Variants in NLGN1 observed in about 807,000 individuals in gnomAD.
NLGN1 encodes the protein neuroligin-1.
Under a neutral mutation model 65.5 loss-of-function variants are expected in NLGN1, and 12 were observed. The ratio of observed to expected loss-of-function variants is 0.18; its 90% CI spans 0.12 to 0.30. The LOEUF is 0.30. NLGN1 is among the 10% of genes least tolerant of loss of function. NLGN1 has a pLI of 1.00. For synonymous variants in NLGN1, 350 were observed against 359.5 expected (o/e 0.97, Z 0.30); for missense variants, 750 against 1,007.1 (o/e 0.74, Z 3.46).
intron 4 of NLGN1, among the ~76,000 whole-genome samples, chr3:173,814,658 A>G (rs1718649541): frequency 6.6e-6 from 1 of 152,214 alleles, no homozygotes; most frequent in South Asian, 2.1e-4. Flanking sequence ...TCATTCATGT[A>G]TTCGTTCAGC....
chr3:173,748,600 A>G (rs10936770), intron 3 of NLGN1, among the ~76,000 whole-genome samples: 80,631 of 151,972 alleles, frequency 0.53, 22,757 homozygotes, highest in East Asian at 0.79. Flanking sequence ...CCTAATTTAC[A>G]TGTTATCACA....
chr3:173,728,212 T>A (rs536088688), intron 3 of NLGN1, among the ~76,000 whole-genome samples: 1 of 152,006 alleles, frequency 6.6e-6, no homozygotes, highest in Admixed American at 6.6e-5. Flanking sequence ...TAGAGAAAAA[T>A]GACTAGACTT....
intron 2 of NLGN1, among the ~76,000 whole-genome samples, chr3:173,527,788 A>G (rs1273416330): frequency 6.6e-6 from 1 of 152,172 alleles, no homozygotes; most frequent in East Asian, 1.9e-4. Context: ...TTACATGGGT[A>G]GTTTCCTTTA....
intron 3 of NLGN1, among the ~76,000 whole-genome samples, chr3:173,786,756 A>T (rs1782033689): frequency 6.6e-6 from 1 of 152,164 alleles, no homozygotes; most frequent in Non-Finnish European, 1.5e-5. Flanking sequence ...TATTCAAAGG[A>T]AATATATATA....
chr3:174,036,069 ATTAAC>A (rs1453787387), intron 4 of NLGN1, among the ~76,000 whole-genome samples: 1 of 152,226 alleles, frequency 6.6e-6, no homozygotes, highest in Non-Finnish European at 1.5e-5. Flanking sequence ...ATGGCGATTT[ATTAAC>A]TTATGCAAGA....
At chr3:173,579,877 C>G (rs1746111619) in intron 2 of NLGN1, among the ~76,000 whole-genome samples, 1 of 151,678 alleles carries the variant, frequency 6.6e-6, no homozygotes, top group African/African-American at 2.4e-5. Context: ...ATTTTTTTTT[C>G]TCCAGACTTG....
At chr3:173,748,380 A>T (rs572967449) in intron 3 of NLGN1, among the ~76,000 whole-genome samples, 2 of 152,126 alleles carry the variant, frequency 1.3e-5, no homozygotes, top group Non-Finnish European at 2.9e-5. Flanking sequence ...TCTACTGGGT[A>T]TGTGCAGAAC....
intron 4 of NLGN1, among the ~76,000 whole-genome samples, chr3:174,027,947 C>G (rs1261673858): frequency 6.6e-6 from 1 of 152,016 alleles, no homozygotes; most frequent in Non-Finnish European, 1.5e-5. Context: ...GTGGTTTCCC[C>G]CATACTGTTC....
chr3:173,988,012 A>C (rs184724971), intron 4 of NLGN1, among the ~76,000 whole-genome samples: 87 of 152,336 alleles, frequency 5.7e-4, no homozygotes, highest in Admixed American at 1.1e-3. Flanking sequence ...ATAAAGATGC[A>C]TAGCTACATT....
chr3:173,937,032 T>C (rs1745192677), intron 4 of NLGN1, among the ~76,000 whole-genome samples: 1 of 152,078 alleles, frequency 6.6e-6, no homozygotes, highest in Non-Finnish European at 1.5e-5. Context: ...GTTTTCTAAA[T>C]TAACTAAAAT....
At chr3:173,456,701 A>G (rs1201395308) in intron 2 of NLGN1, among the ~76,000 whole-genome samples, 2 of 152,134 alleles carry the variant, frequency 1.3e-5, no homozygotes, top group African/African-American at 4.8e-5. Context: ...TAATAGTAAC[A>G]GTAGAAAGCC....
chr3:174,202,156 A>C (rs1734622364), intron 4 of NLGN1, among the ~76,000 whole-genome samples: 1 of 152,078 alleles, frequency 6.6e-6, no homozygotes, highest in Non-Finnish European at 1.5e-5. Flanking sequence ...TTTTCTGTGC[A>C]CAGTACTATG....
At chr3:174,064,026 C>T (rs1056880603) in intron 4 of NLGN1, among the ~76,000 whole-genome samples, 2 of 152,084 alleles carry the variant, frequency 1.3e-5, no homozygotes, top group Admixed American at 6.6e-5. Flanking sequence ...CCTGTAATCC[C>T]AGCTACTCGG....
chr3:173,695,065 C>T (rs997503143), intron 3 of NLGN1, among the ~76,000 whole-genome samples: 3 of 152,046 alleles, frequency 2.0e-5, no homozygotes, highest in Non-Finnish European at 4.4e-5. Flanking sequence ...ATATGTTGAG[C>T]CTGACAGTCA....
At chr3:173,537,023 A>G (rs752930504) in intron 2 of NLGN1, among the ~76,000 whole-genome samples, 1 of 152,196 alleles carries the variant, frequency 6.6e-6, no homozygotes, top group Non-Finnish European at 1.5e-5. Flanking sequence ...CCCTTACTCA[A>G]CATTTGTTCT....
At chr3:173,508,375 G>A (rs1732381676) in intron 2 of NLGN1, among the ~76,000 whole-genome samples, 1 of 152,118 alleles carries the variant, frequency 6.6e-6, no homozygotes, top group African/African-American at 2.4e-5. Context: ...GTGATTTTAT[G>A]TCATCTAGGG....
At chr3:173,672,454 A>G (rs1190810651) in intron 3 of NLGN1, among the ~76,000 whole-genome samples, 1 of 152,226 alleles carries the variant, frequency 6.6e-6, no homozygotes, top group African/African-American at 2.4e-5. Flanking sequence ...CTGATGATAT[A>G]GAAATTCCTG....
exon 7 of NLGN1, chr3:174,284,388 T>C (rs1433520655): frequency 1.3e-5 from 2 of 151,424 alleles, no homozygotes; most frequent in Admixed American, 6.6e-5. Context: ...TTAGCAAATA[T>C]GTTTAAAATG....
chr3:173,616,376 GCAAA>G (rs879530078), intron 3 of NLGN1, among the ~76,000 whole-genome samples: 9 of 152,076 alleles, frequency 5.9e-5, no homozygotes, highest in Non-Finnish European at 8.8e-5. Context: ...CTTGAGACAC[GCAAA>G]CAAACAGAAA....
Sources: gnomAD v4.1 joint callset for allele counts (sites outside exome capture counted in the v4.1 genomes callset) on GRCh38, gnomAD v4.1.1 for gene constraint, MANE v1.5 for transcripts, NCBI Gene and HGNC (gene_info 2026-07-23, HGNC 2026-07-21) for gene names.